The following SEPTIN14 variants were observed in gnomAD, a reference collection of about 807,000 sequenced individuals.
SEPTIN14 encodes the protein septin 14, also known as septin-14.
Under a neutral mutation model 53.6 loss-of-function variants are expected in SEPTIN14, and 40 were observed. The observed-to-expected ratio is 0.75, with a 90% CI of 0.58 to 0.97. The LOEUF is 0.97. Among genes scored for constraint, SEPTIN14 ranks in the 50% least tolerant of loss-of-function variants. The probability of loss-of-function intolerance (pLI) is 0.00; values close to 1 mark genes in which losing one functional copy is unlikely to be tolerated. For synonymous variants in SEPTIN14, 138 were observed against 166.8 expected (o/e 0.83, Z 1.33); for missense variants, 471 against 508.2 (o/e 0.93, Z 0.70).
rs756379678 is a variant in SEPTIN14, at chr7:55,844,672, A to G, written c.222T>C (p.Asn74=). ...GKSTLIDTLF[N]TNLKDNKSSH... ...AGGATTTGTTATCTTTCAAGTTAGTATTAAACAATGTGTCTATCAGTGTCG... is the reference window on the plus strand; with the variant it reads ...AGGATTTGTTATCTTTCAAGTTAGTGTTAAACAATGTGTCTATCAGTGTCG... Residue 74 remains asparagine (N), a synonymous_variant, in exon 4 of 10, where the codon AAT becomes AAC. Coordinates refer to ENST00000388975, the MANE Select transcript of SEPTIN14 (RefSeq NM_207366.3). 18 of 1,610,310 alleles carry G rather than the reference A, an allele frequency of 1.1e-5. No homozygotes were observed. The South Asian group carries it at 1.8e-4, about 16-fold the overall frequency.
intron 2 of SEPTIN14, among the ~76,000 whole-genome samples, chr7:55,853,048 G>A (rs991339182): frequency 3.9e-5 from 6 of 152,150 alleles, no homozygotes; most frequent in African/African-American, 1.2e-4. Flanking sequence ...ACAAATGCTG[G>A]CGAAAATGTG....
chr7:55,856,271 T>C (rs541008211), intron 2 of SEPTIN14, among the ~76,000 whole-genome samples: 1 of 152,284 alleles, frequency 6.6e-6, no homozygotes, highest in South Asian at 2.1e-4. Flanking sequence ...CATGTGGTAT[T>C]TGGTTTTCTG....
At chr7:55,801,256 A>C (rs1364319107) in intron 9 of SEPTIN14, among the ~76,000 whole-genome samples, 2 of 152,036 alleles carry the variant, frequency 1.3e-5, no homozygotes, top group African/African-American at 4.8e-5. Flanking sequence ...CAATGAACTA[A>C]GTGTTTTTTA....
intron 5 of SEPTIN14, among the ~76,000 whole-genome samples, chr7:55,834,845 C>G (rs1002045594): frequency 5.9e-5 from 9 of 152,126 alleles, no homozygotes; most frequent in African/African-American, 2.4e-5. Flanking sequence ...CGGGGTTTCA[C>G]CGTGTTAGCC....
intron 2 of SEPTIN14, among the ~76,000 whole-genome samples, chr7:55,861,424 C>T (rs1789747172): frequency 6.6e-6 from 1 of 151,824 alleles, no homozygotes; most frequent in Admixed American, 6.6e-5. Flanking sequence ...ATCACTTGAA[C>T]CCAGGAGGCA....
At chr7:55,848,607 A>G (rs1789463991) in intron 2 of SEPTIN14, among the ~76,000 whole-genome samples, 1 of 110,270 alleles carries the variant, frequency 9.1e-6, no homozygotes. Context: ...ACTAACAGAG[A>G]TTTTTTTTTT....
chr7:55,832,827 G>T (rs565038140), intron 6 of SEPTIN14, among the ~76,000 whole-genome samples: 2 of 152,076 alleles, frequency 1.3e-5, no homozygotes, highest in Admixed American at 6.6e-5. Flanking sequence ...ACCAGCCAGG[G>T]CAACAGAGTG....
chr7:55,811,818 G>C (rs1788711363), intron 7 of SEPTIN14, among the ~76,000 whole-genome samples: 1 of 148,640 alleles, frequency 6.7e-6, no homozygotes, highest in South Asian at 2.1e-4. Flanking sequence ...TTTTGAGACA[G>C]AGTCTCGCTC....
At chr7:55,811,418 G>A (rs1404608051) in intron 7 of SEPTIN14, 9 of 455,036 alleles carry the variant, frequency 2.0e-5, no homozygotes, top group Non-Finnish European at 3.5e-5. Context: ...CCATGGTGTT[G>A]GGTGGAGGCT....
chr7:55,825,634 TA>T (rs1313494217), intron 6 of SEPTIN14, among the ~76,000 whole-genome samples: 4 of 152,086 alleles, frequency 2.6e-5, no homozygotes, highest in Non-Finnish European at 4.4e-5. Flanking sequence ...TCTACAACCA[TA>T]AAACTACTAA....
At chr7:55,834,649 G>GT (rs1789171533) in intron 5 of SEPTIN14, 63 bp from the exon 6 acceptor site, 3 of 1,405,786 alleles carry the variant, frequency 2.1e-6, no homozygotes, top group Non-Finnish European at 2.9e-6. Flanking sequence ...TTTGTTTTTT[G>GT]TTTTTTGTTT....
At chr7:55,835,185 T>TTTTATTTATTTA (rs560812909) in intron 5 of SEPTIN14, among the ~76,000 whole-genome samples, 10 of 151,622 alleles carry the variant, frequency 6.6e-5, no homozygotes, top group African/African-American at 1.9e-4. Flanking sequence ...ATGTAAATTA[T>TTTTATTTATTTA]TTTATTTATT....
Position 55,837,738 on chromosome 7 carries a change from A to G in SEPTIN14, c.559-3152T>C, listed in dbSNP as rs73354547. Among the ~76,000 whole-genome samples, 744 of 152,220 alleles carry G rather than the reference A, an allele frequency of 4.9e-3. 8 individuals are homozygous for G. Among genetic ancestry groups the G allele is most frequent in the African/African-American group, 0.016 (682 of 41,510 alleles). On this transcript the variant is annotated intron_variant, in intron 5 of 9. Transcript: ENST00000388975. The stretch of plus-strand genomic sequence containing the variant: ...GCTGGGATTACAGGCATGTGCCACC[A>G]CGCCCAGCTAATTTTGTATTTTTTA...
chr7:55,818,620 T>C (rs1333253318), intron 7 of SEPTIN14, among the ~76,000 whole-genome samples: 2 of 152,072 alleles, frequency 1.3e-5, no homozygotes, highest in Admixed American at 6.6e-5. Context: ...TGCTAAATAA[T>C]AATATAAATG....
In SEPTIN14 at chr7:55,819,178, C is replaced by T. The variant is rs1433262902; in HGVS notation, c.766G>A (p.Val256Ile). 5.7e-6 allele frequency: 9 copies of T among 1,584,290 alleles called. No individual in the cohort carries two copies. Among genetic ancestry groups the T allele is most frequent in the East Asian group, 4.5e-5 (2 of 44,012 alleles). ...AVVGSTDEVK[V>I]GKRMVRGRHY... is the part of the protein sequence containing the mutation. ...CGGCCTCTGACCATCCTTTTTCCAACTTTCACTTCATCTGTACTCCCTACC... is the reference window on the plus strand; with the variant it reads ...CGGCCTCTGACCATCCTTTTTCCAATTTTCACTTCATCTGTACTCCCTACC... The change falls in exon 7 of 10, where the codon GTT becomes ATT. Residue 256 changes from valine to isoleucine, a missense_variant. Coordinates refer to ENST00000388975, the MANE Select transcript of SEPTIN14 (RefSeq NM_207366.3).
chr7:55,858,211 C>G (rs1445381188), intron 2 of SEPTIN14, among the ~76,000 whole-genome samples: 1 of 152,164 alleles, frequency 6.6e-6, no homozygotes, highest in Non-Finnish European at 1.5e-5. Flanking sequence ...CAGAAATTCA[C>G]AATGGATTCA....
chr7:55,847,381 C>A (rs1349628181), intron 2 of SEPTIN14, among the ~76,000 whole-genome samples: 1 of 152,116 alleles, frequency 6.6e-6, no homozygotes, highest in Non-Finnish European at 1.5e-5. Flanking sequence ...ACATGTTAAT[C>A]CAGATGCTTC....
chr7:55,828,987 G>A (rs182737043), intron 6 of SEPTIN14, among the ~76,000 whole-genome samples: 60 of 151,240 alleles, frequency 4.0e-4, no homozygotes, highest in African/African-American at 1.4e-3. Flanking sequence ...CATAATTTCC[G>A]ATTTATTGAA....
intron 2 of SEPTIN14, among the ~76,000 whole-genome samples, chr7:55,859,238 T>A (rs1486931291): frequency 6.6e-6 from 1 of 152,204 alleles, no homozygotes; most frequent in Non-Finnish European, 1.5e-5. Flanking sequence ...TTTCAGGTCT[T>A]ACTTTTAGGT....
Sources: gnomAD v4.1 joint callset for allele counts (sites outside exome capture counted in the v4.1 genomes callset) on GRCh38, gnomAD v4.1.1 for gene constraint, MANE v1.5 for transcripts, NCBI Gene and HGNC (gene_info 2026-07-23, HGNC 2026-07-21) for gene names.